The following ERC1 variants were observed in gnomAD, a reference collection of about 807,000 sequenced individuals.
ERC1 encodes ELKS/RAB6-interacting/CAST family member 1, also known as RAB6 interacting protein 2.
A neutral mutation model predicts 132.0 loss-of-function variants in ERC1; 56 were observed. The observed-to-expected ratio is 0.42, with a 90% CI of 0.34 to 0.53. The LOEUF (loss-of-function observed/expected upper bound fraction) is 0.53, where lower values mean the gene tolerates loss of function less well. Among genes scored for constraint, ERC1 ranks in the 20% least tolerant of loss-of-function variants. ERC1 has a pLI of 0.03. For missense variants in ERC1, 1,202 were observed against 1,349.9 expected, an observed-to-expected ratio of 0.89 and a Z score of 1.72; for synonymous variants, 478 against 476.1, an observed-to-expected ratio of 1.00 and a Z score of -0.05.
intron 2 of ERC1, among the ~76,000 whole-genome samples, chr12:1,037,783 G>A (rs758891666): frequency 6.6e-6 from 1 of 152,080 alleles, no homozygotes; most frequent in Non-Finnish European, 1.5e-5. Flanking sequence ...AGTGGCTCAC[G>A]TTTGTAAGCC....
intron 14 of ERC1, among the ~76,000 whole-genome samples, chr12:1,278,362 T>G (rs1336677485): frequency 6.6e-6 from 1 of 152,200 alleles, no homozygotes; most frequent in Non-Finnish European, 1.5e-5. Flanking sequence ...TGCATTTTGA[T>G]CCATTTATTA....
chr12:1,371,441 G>A (rs2087223302), intron 15 of ERC1, among the ~76,000 whole-genome samples: 1 of 152,234 alleles, frequency 6.6e-6, no homozygotes, highest in Non-Finnish European at 1.5e-5. Context: ...GGCAAGCTGT[G>A]TAAACTCTGA....
intron 2 of ERC1, among the ~76,000 whole-genome samples, chr12:1,031,194 A>G (rs1967965945): frequency 6.6e-6 from 1 of 152,172 alleles, no homozygotes; most frequent in Non-Finnish European, 1.5e-5. Flanking sequence ...TAAATATAAA[A>G]CAGAAAAGCA....
At chr12:1,307,900 G>A (rs1456154405) in intron 15 of ERC1, among the ~76,000 whole-genome samples, 1 of 152,154 alleles carries the variant, frequency 6.6e-6, no homozygotes, top group Non-Finnish European at 1.5e-5. Flanking sequence ...AAATATTATG[G>A]TATCTCATTG....
At chr12:1,006,536 C>G (rs934120733) in intron 1 of ERC1, among the ~76,000 whole-genome samples, 2 of 152,252 alleles carry the variant, frequency 1.3e-5, no homozygotes, top group East Asian at 1.9e-4. Flanking sequence ...GGGCGTGCCA[C>G]CATGCCCAGC....
chr12:1,199,264 C>T (rs1450495684), intron 12 of ERC1, among the ~76,000 whole-genome samples: 2 of 151,922 alleles, frequency 1.3e-5, no homozygotes, highest in East Asian at 3.9e-4. Flanking sequence ...CCCACCAGGC[C>T]CCACCTCCAA....
At chr12:1,166,708 GA>G (rs1952459738) in intron 8 of ERC1, among the ~76,000 whole-genome samples, 1 of 152,046 alleles carries the variant, frequency 6.6e-6, no homozygotes, top group Non-Finnish European at 1.5e-5. Flanking sequence ...TTTGTATTTT[GA>G]AACTAACCTT....
intron 16 of ERC1, among the ~76,000 whole-genome samples, chr12:1,387,841 C>T (rs1008391457): frequency 6.6e-6 from 1 of 152,210 alleles, no homozygotes; most frequent in Non-Finnish European, 1.5e-5. Context: ...AGGAAACTAA[C>T]ACATGGAGTA....
At chr12:1,269,371 C>T (rs181841185) in intron 14 of ERC1, among the ~76,000 whole-genome samples, 47 of 152,206 alleles carry the variant, frequency 3.1e-4, no homozygotes, top group Admixed American at 1.4e-3. Flanking sequence ...AAGAAGCTTA[C>T]CATGTGACAA....
chr12:1,484,081 G>T lies in ERC1; in HGVS notation c.3214-6012G>T, dbSNP rs755508893. Among the ~76,000 whole-genome samples, 17 of 96,534 alleles carry T rather than the reference G, an allele frequency of 1.8e-4. No homozygotes were observed. In the South Asian group the frequency reaches 3.0e-3, roughly 17 times the overall value. The allele number at this position is 96,534 out of a possible 152,430, so 63.3% of individuals were successfully genotyped here. A position where few individuals can be genotyped will look rare whatever the true frequency, so the allele number is the denominator to read the frequency against. On this transcript the variant is annotated intron_variant, in intron 18 of 18. Transcript: ENST00000360905. ...AGCACTTTGGGAGGCTGAGGCGGGC[G>T]GATCACGAGGTCAGGAGATCAAGAC...
At chr12:1,019,283 C>T (rs1029007706) in intron 1 of ERC1, among the ~76,000 whole-genome samples, 6 of 152,102 alleles carry the variant, frequency 3.9e-5, no homozygotes, top group Non-Finnish European at 7.4e-5. Context: ...ACCACCTGGC[C>T]CAGCTAATTT....
chr12:1,084,505 AG>A (rs1942685086), intron 3 of ERC1, among the ~76,000 whole-genome samples: 1 of 152,132 alleles, frequency 6.6e-6, no homozygotes, highest in Admixed American at 6.5e-5. Context: ...TTTAACAGTG[AG>A]GGCATTTTTA....
chr12:1,374,627 G>C (rs2051844), intron 16 of ERC1, among the ~76,000 whole-genome samples: 49,950 of 152,062 alleles, frequency 0.33, 8,465 homozygotes, highest in Middle Eastern at 0.42. Flanking sequence ...TAGAACCCTG[G>C]AAAGCATTAA....
At chr12:1,316,013 C>A (rs563933248) in intron 15 of ERC1, among the ~76,000 whole-genome samples, 1 of 152,092 alleles carries the variant, frequency 6.6e-6, no homozygotes, top group East Asian at 1.9e-4. Flanking sequence ...TCAGCCTCCC[C>A]CAGCAGCTGG....
At chr12:1,410,779 T>A (rs539097694) in intron 17 of ERC1, among the ~76,000 whole-genome samples, 30 of 152,068 alleles carry the variant, frequency 2.0e-4, no homozygotes, top group Non-Finnish European at 1.5e-4. Context: ...CTAGGGTGAT[T>A]TTACAGTGTC....
intron 16 of ERC1, among the ~76,000 whole-genome samples, chr12:1,400,142 TC>T (rs2090899899): frequency 6.6e-6 from 1 of 152,218 alleles, no homozygotes; most frequent in Non-Finnish European, 1.5e-5. Flanking sequence ...TCTCCGTTGT[TC>T]CTGTAGATCA....
At chr12:1,334,182 G>A (rs1041195855) in intron 15 of ERC1, among the ~76,000 whole-genome samples, 3 of 152,080 alleles carry the variant, frequency 2.0e-5, no homozygotes, top group Admixed American at 6.6e-5. Context: ...CTCCCATTCT[G>A]TAGGTTGTAT....
chr12:1,151,713 AC>A (rs757531258), intron 8 of ERC1: 6 of 150,406 alleles, frequency 4.0e-5, no homozygotes, highest in Non-Finnish European at 8.8e-5. Flanking sequence ...AACGCTGTTG[AC>A]AAATTTCAGT....
Position 1,485,525 on chromosome 12 carries a change from G to C in ERC1, c.3214-4568G>C, listed in dbSNP as rs190084136. ...GCCATATTTAATTATTAATGAAATTGGGTATTATTTTTGTGTTTGTTAGCC... is the reference window on the plus strand; with the variant it reads ...GCCATATTTAATTATTAATGAAATTCGGTATTATTTTTGTGTTTGTTAGCC... On this transcript the variant is annotated intron_variant, in intron 18 of 18. Coordinates refer to ENST00000360905, the MANE Select transcript of ERC1 (RefSeq NM_178040.4). 2.6e-3 allele frequency among the ~76,000 whole-genome samples: 393 copies of C among 152,076 alleles called. 2 individuals carry two copies. Among genetic ancestry groups the C allele is most frequent in the African/African-American group, 8.9e-3 (369 of 41,490 alleles).
Sources: allele counts gnomAD v4.1 joint callset (sites outside exome capture counted in the v4.1 genomes callset), GRCh38; gene constraint gnomAD v4.1.1; transcripts MANE v1.5; gene names NCBI Gene and HGNC (gene_info 2026-07-23, HGNC 2026-07-21).